Variants in S100P observed in about 807,000 individuals in gnomAD.
S100P encodes the protein S100 calcium binding protein P.
A neutral mutation model predicts 4.7 loss-of-function variants in S100P; 7 were observed. The observed-to-expected ratio is 1.48, with a 90% CI of 0.84 to 2.77. The LOEUF (loss-of-function observed/expected upper bound fraction) is 2.77, where lower values mean the gene tolerates loss of function less well. S100P is among the 30% of genes most tolerant of loss of function. S100P has a pLI of 0.00. For synonymous variants in S100P, 48 were observed against 49.0 expected (o/e 0.98, Z 0.08); for missense variants, 122 against 120.6 (o/e 1.01, Z -0.06).
intron 1 of S100P, among the ~76,000 whole-genome samples, chr4:6,696,127 G>C (rs1274722100): frequency 6.6e-6 from 1 of 152,216 alleles, no homozygotes; most frequent in Non-Finnish European, 1.5e-5. Context: ...CTCTGGCCCA[G>C]GGCTGGGTCA....
At position 6,697,140 on chromosome 4, in the gene S100P, T is replaced by A; in HGVS notation, c.*98T>A. ...TTCCCCTAGGCTGAGCCTGCTCATG[T>A]ACCTCTGATTAATAAATGCTTATGA... On this transcript the variant is annotated 3_prime_UTR_variant, in exon 2 of 2. Transcript: ENST00000296370. 1.1e-6 allele frequency: 1 copy of A among 903,830 alleles called. No individual in the cohort carries two copies. Among genetic ancestry groups the A allele is most frequent in the Non-Finnish European group, 1.7e-6 (1 of 588,264 alleles). The allele number at this position is 903,830 out of a possible 1,614,324, so 56.0% of individuals were successfully genotyped here. A position where few individuals can be genotyped will look rare whatever the true frequency, so the allele number is the denominator to read the frequency against.
chr4:6,696,878 C>CT lies in S100P; in HGVS notation c.139-14dup, dbSNP rs1560128012. 6.2e-7 allele frequency: 1 copy of CT among 1,607,588 alleles called. No individual in the cohort carries two copies. The highest frequency in any genetic ancestry group is 8.5e-7 in the Non-Finnish European group (1 of 1,176,212). On this transcript the variant is annotated splice_polypyrimidine_tract_variant and intron_variant, in intron 1 of 1. Coordinates refer to ENST00000296370, the MANE Select transcript of S100P (RefSeq NM_005980.3). The stretch of plus-strand genomic sequence containing the variant: ...GGCACCCTCACTGCTGACCTTGAGC[C>CT]TCTCTCTCCTCTAGAGTGGAAAAGA...
chr4:6,694,019 C>G lies in S100P; in HGVS notation c.87C>G (p.Thr29=), dbSNP rs755084534. 2 of 1,613,926 alleles carry G rather than the reference C, an allele frequency of 1.2e-6. No individual in the cohort carries two copies. The highest frequency in any genetic ancestry group is 1.7e-6 in the Non-Finnish European group (2 of 1,179,958). ...GCGAGGGCAGCACGCAGACCCTGAC[C>G]AAGGGGGAGCTCAAGGTGCTGATGG... ...SGSEGSTQTL[T]KGELKVLMEK... is the part of the protein sequence containing the mutation. Residue 29 remains threonine, a synonymous_variant, in exon 1 of 2, where the codon ACC becomes ACG. Transcript: ENST00000296370.
In S100P at chr4:6,694,445, G is replaced by T. The variant is rs1054100611; in HGVS notation, c.138+375G>T. Among the ~76,000 whole-genome samples the T allele has an allele frequency of 2.0e-5, 3 of 152,206 alleles. No homozygotes were observed. The East Asian group carries it at 5.8e-4, about 29-fold the overall frequency. On this transcript the variant is annotated intron_variant, in intron 1 of 1. Coordinates refer to ENST00000296370, the MANE Select transcript of S100P (RefSeq NM_005980.3). ...AAGCTTGCCAAGCCCTTGAGCCCTC[G>T]GGGCTGTCCTCCAAGGCTGCCGGCC...
Position 6,696,986 on chromosome 4 carries a change from G to A in S100P, c.232G>A (p.Val78Met), listed in dbSNP as rs377546335. The change falls in exon 2 of 2, where the codon GTG (valine) becomes ATG (methionine). Residue 78 changes from valine to methionine, a missense_variant. By Grantham distance (21) the Val-to-Met change is conservative. Transcript: ENST00000296370. ...GGACTTCAGTGAGTTCATAGTGTTC[G>A]TGGCTGCAATCACGTCTGCCTGTCA... ...QVDFSEFIVFVAAITSACHKY... is the reference protein window; with the variant it reads ...QVDFSEFIVFMAAITSACHKY... The A allele has an allele frequency of 3.3e-5, 54 of 1,613,838 alleles. No homozygotes were observed. In the African/African-American group the frequency reaches 5.6e-4, roughly 17 times the overall value.
At chr4:6,696,818 G>A in intron 1 of S100P, 75 bp from the exon 2 acceptor site, 2 of 1,447,666 alleles carry the variant, frequency 1.4e-6, no homozygotes, top group Non-Finnish European at 1.9e-6. Flanking sequence ...CTCCTGCCCA[G>A]CAGCAGTGCT....
At chr4:6,696,807 G>T in intron 1 of S100P, 86 bp from the exon 2 acceptor site, 1 of 1,370,422 alleles carries the variant, frequency 7.3e-7, no homozygotes, top group Non-Finnish European at 1.0e-6. Flanking sequence ...TGGGTGCCCT[G>T]CTCCTGCCCA....
chr4:6,694,904 G>T (rs1219870242), intron 1 of S100P, among the ~76,000 whole-genome samples: 6 of 151,830 alleles, frequency 4.0e-5, no homozygotes, highest in Admixed American at 3.9e-4. Context: ...GAAATTTTCA[G>T]CCCTAGAATC....
At chr4:6,695,914 T>TA (rs1339996083) in intron 1 of S100P, among the ~76,000 whole-genome samples, 1 of 152,246 alleles carries the variant, frequency 6.6e-6, no homozygotes, top group East Asian at 1.9e-4. Context: ...ACAAACTTTG[T>TA]AAACATCACT....
intron 1 of S100P, among the ~76,000 whole-genome samples, chr4:6,694,550 G>A (rs1488685928): frequency 6.6e-6 from 1 of 152,172 alleles, no homozygotes; most frequent in African/African-American, 2.4e-5. Flanking sequence ...GGTATTAGTG[G>A]GTCTGGCAGG....
intron 1 of S100P, among the ~76,000 whole-genome samples, chr4:6,694,735 AC>A (rs1473562130): frequency 1.3e-5 from 2 of 151,618 alleles, no homozygotes; most frequent in Non-Finnish European, 2.9e-5. Flanking sequence ...CAGAAGCCGT[AC>A]CCTCTCCATT....
chr4:6,696,834 G>A lies in S100P; in HGVS notation c.139-59G>A, dbSNP rs149182281. The A allele has an allele frequency of 5.0e-4, 767 of 1,528,982 alleles. 1 individual carries two copies. In the Middle Eastern group the frequency reaches 5.7e-3, roughly 11 times the overall value. The allele number at this position is 1,528,982 out of a possible 1,614,324, so 94.7% of individuals were successfully genotyped here. ...TCCTGCCCAGCAGCAGTGCTTGGTGGAGGCTGAGGCCCTGCACAGGCACCC... is the reference window on the plus strand; with the variant it reads ...TCCTGCCCAGCAGCAGTGCTTGGTGAAGGCTGAGGCCCTGCACAGGCACCC... On this transcript the variant is annotated intron_variant, in intron 1 of 1. Coordinates refer to ENST00000296370, the MANE Select transcript of S100P (RefSeq NM_005980.3).
chr4:6,697,110 A>C lies in S100P; in HGVS notation c.*68A>C, dbSNP rs1392988519. On this transcript the variant is annotated 3_prime_UTR_variant, in exon 2 of 2. Transcript: ENST00000296370. The stretch of plus-strand genomic sequence containing the variant: ...AGGCTTCCCAAAAGTGTTTGTTGGC[A>C]ATTATTCCCCTAGGCTGAGCCTGCT... The C allele has an allele frequency of 6.0e-6, 8 of 1,339,648 alleles. No individual in the cohort carries two copies. Among genetic ancestry groups the C allele is most frequent in the East Asian group, 2.4e-5 (1 of 42,398 alleles). 83.0% of individuals were successfully genotyped at this position (1,339,648 alleles called of 1,614,324 possible).
chr4:6,696,471 T>G (rs1714375165), intron 1 of S100P, among the ~76,000 whole-genome samples: 1 of 152,204 alleles, frequency 6.6e-6, no homozygotes, highest in Admixed American at 6.5e-5. Flanking sequence ...AGTTCCTGTT[T>G]GTGTAAGCAG....
At chr4:6,695,085 C>T (rs1033686395) in intron 1 of S100P, among the ~76,000 whole-genome samples, 12 of 151,850 alleles carry the variant, frequency 7.9e-5, no homozygotes, top group African/African-American at 2.9e-4. Flanking sequence ...CCCACCTCAG[C>T]CTACCGAGTA....
Position 6,696,939 on chromosome 4 carries a change from A to G in S100P, c.185A>G (p.Asp62Gly), listed in dbSNP as rs1714386308. Residue 62 changes from aspartate (D) to glycine (G), a missense_variant, in exon 2 of 2, where the codon GAC (aspartate) becomes GGC (glycine). By Grantham distance (94) the Asp-to-Gly change is moderately conservative. Transcript: ENST00000296370. ...GTGGATAAATTGCTCAAGGACCTGG[A>G]CGCCAATGGAGATGCCCAGGTGGAC... ...DAVDKLLKDL[D>G]ANGDAQVDFS... 11 of 1,613,916 alleles carry G rather than the reference A, an allele frequency of 6.8e-6. No homozygotes were observed. In the East Asian group the frequency reaches 2.5e-4, roughly 36 times the overall value.
chr4:6,696,371 G>C (rs147876158), intron 1 of S100P, among the ~76,000 whole-genome samples: 1 of 152,200 alleles, frequency 6.6e-6, no homozygotes, highest in Non-Finnish European at 1.5e-5. Context: ...CTCCCTGTGT[G>C]ACTTCAGGGC....
At chr4:6,695,956 A>G (rs948956081) in intron 1 of S100P, among the ~76,000 whole-genome samples, 1 of 152,256 alleles carries the variant, frequency 6.6e-6, no homozygotes, top group African/African-American at 2.4e-5. Context: ...TGACATGGCC[A>G]TACCACTATT....
intron 1 of S100P, among the ~76,000 whole-genome samples, chr4:6,696,452 G>A (rs1226770405): frequency 6.6e-6 from 1 of 152,202 alleles, no homozygotes; most frequent in Non-Finnish European, 1.5e-5. Flanking sequence ...GTGTCTGGTG[G>A]TGTTGAGGAG....
Sources: allele counts gnomAD v4.1 joint callset (sites outside exome capture counted in the v4.1 genomes callset), GRCh38; gene constraint gnomAD v4.1.1; transcripts MANE v1.5; gene names NCBI Gene and HGNC (gene_info 2026-07-23, HGNC 2026-07-21).